COL23A1: variants seen among roughly 807,000 people sequenced by gnomAD.
COL23A1 encodes the protein collagen alpha-1(XXIII) chain.
Under a neutral mutation model 99.3 loss-of-function variants are expected in COL23A1, and 97 were observed. The observed-to-expected ratio is 0.98, with a 90% CI of 0.83 to 1.16. COL23A1 has a LOEUF of 1.16. COL23A1 is among the 50% of genes most tolerant of loss of function. The pLI is 0.00. For synonymous variants in COL23A1, 320 were observed against 308.2 expected (o/e 1.04, Z -0.40); for missense variants, 762 against 757.4 (o/e 1.01, Z -0.07).
intron 17 of COL23A1, among the ~76,000 whole-genome samples, chr5:178,251,912 T>C: frequency 7.4e-6 from 1 of 134,374 alleles, no homozygotes; most frequent in South Asian, 2.8e-4. Context: ...TTCTTTTCTT[T>C]TTTTTTTTTT....
At chr5:178,238,815 C>A in intron 28 of COL23A1, 115 bp from the exon 29 acceptor site, 2 of 1,398,500 alleles carry the variant, frequency 1.4e-6, no homozygotes, top group South Asian at 2.3e-5. Context: ...CTTCCCTCCC[C>A]CCACTCCCTC....
chr5:178,307,060 A>AG lies in COL23A1; in HGVS notation c.362-142dup, dbSNP rs1398914314. ...GCCCGAGGGGGTCTGCTGGCTGTGG[A>AG]GGGGGAGATGCGTGGGGAGAAACCC... On this transcript the variant is annotated intron_variant, in intron 2 of 28. Coordinates refer to ENST00000390654, the MANE Select transcript of COL23A1 (RefSeq NM_173465.4). The surrounding 1 kb of genome is among the most constrained non-coding windows in gnomAD (Gnocchi z 4.2). 2 of 543,514 alleles carry AG rather than the reference A, an allele frequency of 3.7e-6. No homozygotes were observed. Among genetic ancestry groups the AG allele is most frequent in the Non-Finnish European group, 6.4e-6 (2 of 313,094 alleles). 33.7% of individuals were successfully genotyped at this position (543,514 alleles called of 1,614,324 possible). A position where few individuals can be genotyped will look rare whatever the true frequency, so the allele number is the denominator to read the frequency against.
rs1450319142 is a variant in COL23A1, at chr5:178,237,830, C to G, written c.*868G>C. On this transcript the variant is annotated 3_prime_UTR_variant, in exon 29 of 29. Coordinates refer to ENST00000390654, the MANE Select transcript of COL23A1 (RefSeq NM_173465.4). ...TTGCCTGCACAGCCCACCTAGAGAGCCATTTTTGGCCAGAGTTCTGGGTGG... is the reference window on the plus strand; with the variant it reads ...TTGCCTGCACAGCCCACCTAGAGAGGCATTTTTGGCCAGAGTTCTGGGTGG... 1 of 152,314 alleles carries G rather than the reference C, an allele frequency of 6.6e-6. No homozygotes were observed. The highest frequency in any genetic ancestry group is 1.5e-5 in the Non-Finnish European group (1 of 68,100). The allele number at this position is 152,314 out of a possible 1,614,324, so 9.4% of individuals were successfully genotyped here.
At chr5:178,560,637 G>A (rs947061692) in intron 2 of COL23A1, 45 bp downstream of exon 2, 57 of 1,569,174 alleles carry the variant, frequency 3.6e-5, no homozygotes, top group Admixed American at 7.3e-5. Context: ...CCAAGCAAAC[G>A]GCGGCCGAAC....
intron 2 of COL23A1, among the ~76,000 whole-genome samples, chr5:178,520,044 G>A (rs1759851335): frequency 6.6e-6 from 1 of 152,140 alleles, no homozygotes; most frequent in South Asian, 2.1e-4. Flanking sequence ...TCAGATGATG[G>A]ACAGATGCAT....
rs541947268 is a variant in COL23A1 at position 178,250,058 on chromosome 5, G to C, written c.1059+3C>G. ...TCACCAAGGAAATGAAAGGCCCAGA[G>C]ACCTTCTCTCCATCGATTCCTGGGG... On this transcript the variant is annotated splice_donor_region_variant and intron_variant, in intron 18 of 28. Transcript: ENST00000390654. 12 of 1,614,148 alleles carry C rather than the reference G, an allele frequency of 7.4e-6. No individual in the cohort carries two copies. In the African/African-American group the frequency reaches 9.3e-5, roughly 13 times the overall value.
At chr5:178,315,118 G>T (rs1278297163) in intron 2 of COL23A1, among the ~76,000 whole-genome samples, 1 of 152,156 alleles carries the variant, frequency 6.6e-6, no homozygotes, top group Non-Finnish European at 1.5e-5. Flanking sequence ...AATGCCTGCA[G>T]TTTCTGGGCT....
chr5:178,290,742 G>C (rs946421744), intron 3 of COL23A1, among the ~76,000 whole-genome samples: 1 of 151,932 alleles, frequency 6.6e-6, no homozygotes, highest in Non-Finnish European at 1.5e-5. Flanking sequence ...AGGGCAGACT[G>C]GGGGAGCAAA....
chr5:178,267,466 A>G (rs1045532798), intron 7 of COL23A1, 133 bp from the exon 8 acceptor site: 2 of 870,302 alleles, frequency 2.3e-6, no homozygotes, highest in Non-Finnish European at 3.5e-6. Flanking sequence ...GGCAGGCCCT[A>G]TTTTTATTTC....
At chr5:178,279,331 C>T (rs865965560) in intron 5 of COL23A1, among the ~76,000 whole-genome samples, 1 of 152,254 alleles carries the variant, frequency 6.6e-6, no homozygotes, top group Non-Finnish European at 1.5e-5. Flanking sequence ...TCTCCTCCCA[C>T]AGTGACCAGC....
At position 178,469,132 on chromosome 5, in the gene COL23A1, A is replaced by G. The variant is rs541662176; in HGVS notation, c.361+91550T>C. Among the ~76,000 whole-genome samples the G allele has an allele frequency of 1.5e-4, 23 of 152,336 alleles. No homozygotes were observed. The South Asian group carries it at 4.8e-3, about 32-fold the overall frequency. On this transcript the variant is annotated intron_variant, in intron 2 of 28. Coordinates refer to ENST00000390654, the MANE Select transcript of COL23A1 (RefSeq NM_173465.4). ...GCATCCTGTTGTGTGGACAGGCCACATTGTGTCTATCCATTCTGATAAACA... is the reference window on the plus strand; with the variant it reads ...GCATCCTGTTGTGTGGACAGGCCACGTTGTGTCTATCCATTCTGATAAACA...
intron 2 of COL23A1, among the ~76,000 whole-genome samples, chr5:178,444,485 T>C (rs1767051748): frequency 6.6e-6 from 1 of 152,180 alleles, no homozygotes; most frequent in African/African-American, 2.4e-5. Flanking sequence ...GGTGAGACAG[T>C]GCACTTTAGT....
chr5:178,247,385 CT>C, intron 22 of COL23A1, 140 bp downstream of exon 22: 5 of 900,586 alleles, frequency 5.6e-6, no homozygotes, highest in Non-Finnish European at 8.7e-6. Context: ...GCCCTGGGGA[CT>C]TGGGACGTTC....
At chr5:178,347,304 C>T (rs537972355) in intron 2 of COL23A1, among the ~76,000 whole-genome samples, 12 of 152,222 alleles carry the variant, frequency 7.9e-5, no homozygotes, top group African/African-American at 2.2e-4. Flanking sequence ...ACCTTGAACA[C>T]GTGCTAGGTG....
chr5:178,455,762 C>T (rs780797018), intron 2 of COL23A1, among the ~76,000 whole-genome samples: 1 of 152,064 alleles, frequency 6.6e-6, no homozygotes, highest in African/African-American at 2.4e-5. Flanking sequence ...GAGGTCAGAG[C>T]GGAGGACCAG....
rs1581517261 is a variant in COL23A1, at chr5:178,280,651, G to A, written c.441+7673C>T. The stretch of plus-strand genomic sequence containing the variant: ...CATGTGATGGGGCGAGGATGCTGTG[G>A]GGCTGGTCTGTTGCCTGGGGAAGTG... On this transcript the variant is annotated intron_variant, in intron 5 of 28. Coordinates refer to ENST00000390654, the MANE Select transcript of COL23A1 (RefSeq NM_173465.4). This position sits in a 1 kb window ranked among gnomAD's most constrained non-coding sequence, Gnocchi z 4.9. 6.6e-6 allele frequency among the ~76,000 whole-genome samples: 1 copy of A among 152,102 alleles called. No homozygotes were observed. Among genetic ancestry groups the A allele is most frequent in the East Asian group, 1.9e-4 (1 of 5,196 alleles).
chr5:178,287,196 G>A (rs1223754368), intron 5 of COL23A1, among the ~76,000 whole-genome samples: 17 of 152,228 alleles, frequency 1.1e-4, no homozygotes, highest in East Asian at 3.9e-4. Flanking sequence ...TGTGCCATGG[G>A]ATGAGGGTGG....
chr5:178,517,210 G>A (rs745689842), intron 2 of COL23A1, among the ~76,000 whole-genome samples: 3 of 152,240 alleles, frequency 2.0e-5, no homozygotes, highest in Admixed American at 6.5e-5. Flanking sequence ...CCAATGTCTA[G>A]AACAGTGCCT....
At chr5:178,356,866 C>A (rs1352132296) in intron 2 of COL23A1, among the ~76,000 whole-genome samples, 2 of 152,128 alleles carry the variant, frequency 1.3e-5, no homozygotes, top group Non-Finnish European at 2.9e-5. Context: ...CCCACTGCAA[C>A]CCCCTGGGGT....
Sources: gnomAD v4.1 joint callset for allele counts (sites outside exome capture counted in the v4.1 genomes callset) on GRCh38, gnomAD v4.1.1 for gene constraint, Gnocchi (gnomAD v3.1) non-coding constraint, MANE v1.5 for transcripts, NCBI Gene and HGNC (gene_info 2026-07-23, HGNC 2026-07-21) for gene names.